CFAP44: variants seen among roughly 807,000 people sequenced by gnomAD.
CFAP44 encodes the protein cilia- and flagella-associated protein 44.
In CFAP44, 134 loss-of-function variants were observed where a neutral mutation model predicts 216.2. The observed-to-expected ratio is 0.62, with a 90% CI of 0.54 to 0.72. The LOEUF (loss-of-function observed/expected upper bound fraction) is 0.72. Among genes scored for constraint, CFAP44 ranks in the 30% least tolerant of loss-of-function variants. The pLI is 0.00. For synonymous variants in CFAP44, 700 were observed against 727.6 expected (o/e 0.96, Z 0.61); for missense variants, 2,035 against 2,182.1 (o/e 0.93, Z 1.34).
chr3:113,431,881 G>A (rs906562981), intron 2 of CFAP44, among the ~76,000 whole-genome samples: 1 of 152,080 alleles, frequency 6.6e-6, no homozygotes, highest in Non-Finnish European at 1.5e-5. Flanking sequence ...ACCTAACATC[G>A]TGATAGTCAG....
At chr3:113,354,084 CAAA>C (rs35767090) in intron 22 of CFAP44, among the ~76,000 whole-genome samples, 16 of 128,536 alleles carry the variant, frequency 1.2e-4, no homozygotes, top group South Asian at 5.0e-4. Context: ...AGGCAAGCCT[CAAA>C]AAAAAAAAAA....
chr3:113,302,244 A>C (rs1949942326), intron 32 of CFAP44, among the ~76,000 whole-genome samples: 1 of 152,036 alleles, frequency 6.6e-6, no homozygotes, highest in Non-Finnish European at 1.5e-5. Flanking sequence ...AGGACTGCAG[A>C]TGTCTCTTCT....
At chr3:113,300,476 AATAT>A (rs35787993) in intron 32 of CFAP44, among the ~76,000 whole-genome samples, 9 of 148,172 alleles carry the variant, frequency 6.1e-5, no homozygotes, top group African/African-American at 1.7e-4. Context: ...ATATCTTATA[AATAT>A]ATATATATAT....
chr3:113,413,731 G>A (rs1167645402), intron 6 of CFAP44, among the ~76,000 whole-genome samples: 1 of 152,082 alleles, frequency 6.6e-6, no homozygotes, highest in Non-Finnish European at 1.5e-5. Context: ...GTCTGTTTTG[G>A]TACCAGTACC....
At chr3:113,334,323 T>C (rs1236106207) in intron 24 of CFAP44, among the ~76,000 whole-genome samples, 4 of 152,208 alleles carry the variant, frequency 2.6e-5, no homozygotes, top group Non-Finnish European at 4.4e-5. Flanking sequence ...GATGATAGCA[T>C]GAGCATACAT....
At chr3:113,374,130 A>C (rs576162207) in intron 17 of CFAP44, among the ~76,000 whole-genome samples, 17 of 152,294 alleles carry the variant, frequency 1.1e-4, no homozygotes, top group Non-Finnish European at 2.4e-4. Context: ...AAGAAAGAGA[A>C]TGTAACATCA....
chr3:113,394,175 T>C (rs1431006699), intron 15 of CFAP44, among the ~76,000 whole-genome samples: 2 of 152,226 alleles, frequency 1.3e-5, no homozygotes, highest in Admixed American at 1.3e-4. Context: ...TTGACATTAG[T>C]ATAGAATGTG....
intron 12 of CFAP44, 31 bp from the exon 13 acceptor site, chr3:113,400,031 A>T: frequency 5.6e-6 from 8 of 1,419,314 alleles, no homozygotes; most frequent in Non-Finnish European, 6.6e-6. Flanking sequence ...AAGAAAAAAA[A>T]TTATATACAT....
intron 22 of CFAP44, among the ~76,000 whole-genome samples, chr3:113,348,205 G>A (rs1950408076): frequency 6.6e-6 from 1 of 152,018 alleles, no homozygotes; most frequent in South Asian, 2.1e-4. Flanking sequence ...GGGTCGGGGG[G>A]AAGTAAACAA....
At chr3:113,305,250 G>A (rs1949974254) in intron 30 of CFAP44, 98 bp from the exon 31 acceptor site, 7 of 1,006,634 alleles carry the variant, frequency 7.0e-6, no homozygotes, top group South Asian at 4.5e-5. Flanking sequence ...TAAAGCATGA[G>A]CAGAATCTGC....
Position 113,366,235 on chromosome 3 carries a change from G to A in CFAP44, c.2519C>T (p.Pro840Leu). ...GTAGTCCACCAAACTGGTCAATGAA[G>A]GATCATTTTGATTTAGGACATAGAC... Reference protein sequence around the residue: ...IRVYVLNQNDPSLTSLVDYWH... With the variant: ...IRVYVLNQNDLSLTSLVDYWH... The change falls in exon 19 of 35, where the codon CCT (proline) becomes CTT (leucine). Residue 840 changes from proline to leucine, a missense_variant. Coordinates refer to ENST00000393845, the MANE Select transcript of CFAP44 (RefSeq NM_001164496.2). 2.5e-6 allele frequency: 4 copies of A among 1,613,730 alleles called. No individual in the cohort carries two copies. The highest frequency in any genetic ancestry group is 3.4e-6 in the Non-Finnish European group (4 of 1,179,832).
At chr3:113,340,765 C>A (rs1398912705) in intron 24 of CFAP44, among the ~76,000 whole-genome samples, 5 of 152,220 alleles carry the variant, frequency 3.3e-5, no homozygotes, top group African/African-American at 1.2e-4. Flanking sequence ...CTCAATTAGA[C>A]CCCCTTCCTT....
At chr3:113,362,012 C>A (rs1042121230) in intron 21 of CFAP44, among the ~76,000 whole-genome samples, 5 of 151,654 alleles carry the variant, frequency 3.3e-5, no homozygotes, top group Non-Finnish European at 7.4e-5. Context: ...ACTGAAGGTT[C>A]CTCAAGGATA....
intron 2 of CFAP44, among the ~76,000 whole-genome samples, chr3:113,428,055 G>A (rs1376389531): frequency 6.6e-6 from 1 of 152,218 alleles, no homozygotes; most frequent in Non-Finnish European, 1.5e-5. Flanking sequence ...AAGCCAATTA[G>A]TTGCGGAACA....
chr3:113,406,567 T>A (rs1474657487), intron 8 of CFAP44, among the ~76,000 whole-genome samples: 1 of 150,004 alleles, frequency 6.7e-6, no homozygotes. Context: ...GAGCTTGCAG[T>A]GAGCGGAGAT....
At chr3:113,423,881 T>A (rs958300400) in intron 4 of CFAP44, among the ~76,000 whole-genome samples, 1 of 152,156 alleles carries the variant, frequency 6.6e-6, no homozygotes, top group Non-Finnish European at 1.5e-5. Flanking sequence ...GAAAGTGACA[T>A]ACAGAAAACG....
rs528157293 is a variant in CFAP44 at position 113,405,600 on chromosome 3, C to T, written c.1005+1327G>A. Reference sequence around the variant, plus strand: ...ACTAGGACCAAGTCATACTTCTCCACTGAAATTCTCCACTTTTTGCCAACA... The same window carrying T: ...ACTAGGACCAAGTCATACTTCTCCATTGAAATTCTCCACTTTTTGCCAACA... On this transcript the variant is annotated intron_variant, in intron 8 of 34. Transcript: ENST00000393845. 5.9e-5 allele frequency among the ~76,000 whole-genome samples: 9 copies of T among 152,346 alleles called. No homozygotes were observed. The South Asian group carries it at 1.7e-3, about 28-fold the overall frequency.
Position 113,318,733 on chromosome 3 carries a change from CAG to C in CFAP44, c.4516+7710_4516+7711del, listed in dbSNP as rs755844582. 9.2e-5 allele frequency among the ~76,000 whole-genome samples: 14 copies of C among 152,194 alleles called. No individual in the cohort carries two copies. In the East Asian group the frequency reaches 2.5e-3, roughly 27 times the overall value. Reference sequence around the variant, plus strand: ...ATCAGGCTAGCAGCAGACCTCTGAGCAGAAATCTTACAAGCAAGAAGAGACTG... The same window carrying C: ...ATCAGGCTAGCAGCAGACCTCTGAGCAAATCTTACAAGCAAGAAGAGACTG... On this transcript the variant is annotated intron_variant, in intron 28 of 34. Transcript: ENST00000393845.
Position 113,292,515 on chromosome 3 carries a change from C to T in CFAP44, c.5374-767G>A, listed in dbSNP as rs145409635. On this transcript the variant is annotated intron_variant, in intron 34 of 34. Coordinates refer to ENST00000393845, the MANE Select transcript of CFAP44 (RefSeq NM_001164496.2). ...ATGAATACATCTGTGAAAGGAAAGA[C>T]ATAATACTTGCGTGGTGCCCACTTT... 2.4e-3 allele frequency among the ~76,000 whole-genome samples: 370 copies of T among 152,332 alleles called. 2 individuals are homozygous for T. The highest frequency in any genetic ancestry group is 6.8e-3 in the Middle Eastern group (2 of 294).
Sources: allele counts gnomAD v4.1 joint callset (sites outside exome capture counted in the v4.1 genomes callset), GRCh38; gene constraint gnomAD v4.1.1; transcripts MANE v1.5; gene names NCBI Gene and HGNC (gene_info 2026-07-23, HGNC 2026-07-21).